Variants in DIAPH2 observed in about 807,000 individuals in gnomAD.
DIAPH2 encodes the protein protein diaphanous homolog 2.
DIAPH2 carries 35 observed loss-of-function variants against 92.7 expected under a neutral mutation model. The ratio of observed to expected loss-of-function variants is 0.38; its 90% CI spans 0.29 to 0.50. The LOEUF is 0.50. DIAPH2 is among the 20% of genes least tolerant of loss of function. The pLI is 0.94. For missense variants in DIAPH2, 701 were observed against 819.5 expected (o/e 0.86, Z 1.77); for synonymous variants, 301 against 280.4 (o/e 1.07, Z -0.73).
At chrX:97,217,005 G>A (rs779647620) in intron 22 of DIAPH2, among the ~76,000 whole-genome samples, 8 of 111,721 alleles carry the variant, frequency 7.2e-5, no homozygotes, top group Non-Finnish European at 1.5e-4. Context: ...TTAGTACTAT[G>A]TATGGAATTG....
At chrX:97,075,406 G>C (rs1043741467) in intron 19 of DIAPH2, 145 bp downstream of exon 19, 1 of 344,382 alleles carries the variant, frequency 2.9e-6, no homozygotes, top group African/African-American at 2.7e-5. Context: ...GGAATATCTA[G>C]CTGTGTTGAT....
At chrX:97,137,960 G>A (rs1000951397) in intron 21 of DIAPH2, among the ~76,000 whole-genome samples, 3 of 112,016 alleles carry the variant, frequency 2.7e-5, no homozygotes, top group Admixed American at 1.9e-4. Context: ...GAATGAGAAG[G>A]GAACTTTCAC....
chrX:97,163,749 T>C (rs2067391728), intron 22 of DIAPH2, among the ~76,000 whole-genome samples: 1 of 112,232 alleles, frequency 8.9e-6, no homozygotes, highest in East Asian at 2.8e-4. Context: ...CTAGTCTCTA[T>C]GCTTATATTT....
chrX:97,036,253 A>G (rs145818860), intron 17 of DIAPH2, among the ~76,000 whole-genome samples: 4,628 of 111,817 alleles, frequency 0.041, 248 homozygotes, highest in African/African-American at 0.14. Context: ...GGCTATATTT[A>G]TGTAAAATAC....
At chrX:96,975,809 C>G (rs2065956469) in intron 17 of DIAPH2, among the ~76,000 whole-genome samples, 1 of 110,916 alleles carries the variant, frequency 9.0e-6, no homozygotes, top group Non-Finnish European at 1.9e-5. Flanking sequence ...TTTCTGAAGT[C>G]TTTGTTTTAA....
At chrX:97,305,838 A>AAAAGAAAG (rs1556022334) in intron 23 of DIAPH2, among the ~76,000 whole-genome samples, 6 of 107,870 alleles carry the variant, frequency 5.6e-5, no homozygotes, top group Admixed American at 1.0e-4. Context: ...AAAAAAAAAA[A>AAAAGAAAG]AAAGAAAGAA....
At chrX:96,730,867 C>T (rs201881171) in intron 1 of DIAPH2, among the ~76,000 whole-genome samples, 2 of 110,473 alleles carry the variant, frequency 1.8e-5, no homozygotes, top group Non-Finnish European at 3.8e-5. Context: ...TGGGCGCAGG[C>T]GGGCTGAGTC....
chrX:97,077,812 C>T (rs898250868), intron 19 of DIAPH2, among the ~76,000 whole-genome samples: 3 of 111,985 alleles, frequency 2.7e-5, no homozygotes, highest in African/African-American at 9.7e-5. Flanking sequence ...AATGAGTTCT[C>T]TATGTGGGAA....
intron 25 of DIAPH2, among the ~76,000 whole-genome samples, chrX:97,418,250 T>A (rs1205124210): frequency 8.9e-6 from 1 of 112,397 alleles, no homozygotes; most frequent in Non-Finnish European, 1.9e-5. Context: ...GATTCATTAT[T>A]TAATTTTATA....
intron 22 of DIAPH2, among the ~76,000 whole-genome samples, chrX:97,143,579 A>G (rs1021328662): frequency 1.8e-5 from 2 of 110,275 alleles, no homozygotes; most frequent in Non-Finnish European, 3.8e-5. Flanking sequence ...ATAAACCTCA[A>G]TCAACAGTTA....
At chrX:97,046,369 G>A (rs1254063330) in intron 17 of DIAPH2, among the ~76,000 whole-genome samples, 2 of 111,032 alleles carry the variant, frequency 1.8e-5, no homozygotes, top group African/African-American at 3.3e-5. Context: ...GAAAGATGAA[G>A]ATGGTGTAAA....
intron 19 of DIAPH2, among the ~76,000 whole-genome samples, chrX:97,082,997 T>C (rs1417128743): frequency 8.9e-6 from 1 of 112,404 alleles, no homozygotes; most frequent in Non-Finnish European, 1.9e-5. Flanking sequence ...ACTTTTGTAA[T>C]TGATCATATC....
chrX:97,398,327 T>C (rs1473737105), intron 25 of DIAPH2, among the ~76,000 whole-genome samples: 1 of 112,201 alleles, frequency 8.9e-6, no homozygotes, highest in Non-Finnish European at 1.9e-5. Context: ...AAATCGAGAT[T>C]GAGCTATAGA....
chrX:96,861,958 G>A (rs753335841), intron 4 of DIAPH2, among the ~76,000 whole-genome samples: 2 of 111,860 alleles, frequency 1.8e-5, no homozygotes, highest in Admixed American at 9.5e-5. Flanking sequence ...GTCCAACCTC[G>A]CCTGAGCTTT....
chrX:97,377,654 G>C (rs192772977), intron 24 of DIAPH2, among the ~76,000 whole-genome samples: 25 of 111,726 alleles, frequency 2.2e-4, no homozygotes, highest in African/African-American at 8.1e-4. Flanking sequence ...ATTTAAACTA[G>C]ATCTCCCAGC....
At chrX:96,737,117 A>C (rs1160317045) in intron 2 of DIAPH2, among the ~76,000 whole-genome samples, 1 of 111,992 alleles carries the variant, frequency 8.9e-6, no homozygotes, top group African/African-American at 3.2e-5. Context: ...TGGGATAGGA[A>C]CCAGGGGCTG....
chrX:97,162,721 C>T, intron 22 of DIAPH2, among the ~76,000 whole-genome samples: 1 of 111,130 alleles, frequency 9.0e-6, no homozygotes, highest in Non-Finnish European at 1.9e-5. Context: ...CGCCATGTTG[C>T]CCAAACTGGT....
intron 21 of DIAPH2, among the ~76,000 whole-genome samples, chrX:97,128,586 G>A (rs752594927): frequency 7.8e-4 from 87 of 111,535 alleles, no homozygotes; most frequent in African/African-American, 2.7e-3. Flanking sequence ...CTCACTTTAG[G>A]CATACAGTTA....
intron 17 of DIAPH2, among the ~76,000 whole-genome samples, chrX:96,988,310 G>T (rs998657970): frequency 1.8e-5 from 2 of 110,675 alleles, no homozygotes; most frequent in African/African-American, 6.5e-5. Flanking sequence ...CTTAGGTGGG[G>T]GCTTAAGTGT....
Sources: allele counts gnomAD v4.1 joint callset (sites outside exome capture counted in the v4.1 genomes callset), GRCh38; gene constraint gnomAD v4.1.1; transcripts MANE v1.5; gene names NCBI Gene and HGNC (gene_info 2026-07-23, HGNC 2026-07-21).